The following ERO1B variants were observed in gnomAD, a reference collection of about 807,000 sequenced individuals.
ERO1B encodes the protein ERO1-like protein beta.
A neutral mutation model predicts 75.3 loss-of-function variants in ERO1B; 49 were observed. That is an observed-to-expected ratio of 0.65 (90% confidence interval 0.52 to 0.83). ERO1B has a LOEUF of 0.83. ERO1B is among the 40% of genes least tolerant of loss of function. ERO1B has a pLI of 0.00. For missense variants in ERO1B, 512 were observed against 560.1 expected, an observed-to-expected ratio of 0.91 and a Z score of 0.87; for synonymous variants, 191 against 192.9, an observed-to-expected ratio of 0.99 and a Z score of 0.08.
chr1:236,244,476 T>C (rs1664790518), intron 5 of ERO1B, among the ~76,000 whole-genome samples: 1 of 152,216 alleles, frequency 6.6e-6, no homozygotes, highest in African/African-American at 2.4e-5. Flanking sequence ...CCAACTGAAA[T>C]ACGTGATGCC....
At position 236,235,932 on chromosome 1, in the gene ERO1B, CT is replaced by C. The variant is rs944750672; in HGVS notation, c.627-98del. The C allele has an allele frequency of 9.9e-3, 8,962 of 900,758 alleles. 1 individual carries two copies. The highest frequency in any genetic ancestry group is 0.016 in the South Asian group (881 of 53,898). 55.8% of individuals were successfully genotyped at this position (900,758 alleles called of 1,614,324 possible). A position where few individuals can be genotyped will look rare whatever the true frequency, so the allele number is the denominator to read the frequency against. On this transcript the variant is annotated intron_variant, in intron 7 of 15. Coordinates refer to ENST00000354619, the MANE Select transcript of ERO1B (RefSeq NM_019891.4). ...AAACAAATACTCCCCTCCCCACCCT[CT>C]TTTTTTTTTGAGACAGAGTTTCACT...
chr1:236,229,295 G>A (rs1185187135), intron 10 of ERO1B, among the ~76,000 whole-genome samples: 1 of 151,774 alleles, frequency 6.6e-6, no homozygotes, highest in Non-Finnish European at 1.5e-5. Flanking sequence ...TGTGGTGGCG[G>A]GTGCCTGTAA....
chr1:236,241,758 A>T (rs1484305601), intron 6 of ERO1B, among the ~76,000 whole-genome samples: 3 of 150,544 alleles, frequency 2.0e-5, no homozygotes, highest in African/African-American at 7.3e-5. Flanking sequence ...ACAATTTAAG[A>T]AACTAATATT....
chr1:236,236,031 T>C (rs1664533670), intron 7 of ERO1B, among the ~76,000 whole-genome samples, 196 bp from the exon 8 acceptor site: 2 of 152,142 alleles, frequency 1.3e-5, no homozygotes, highest in South Asian at 4.1e-4. Flanking sequence ...TTCAAGTGAT[T>C]CTCCTGCCTC....
chr1:236,269,998 G>T lies in ERO1B; in HGVS notation c.103-4C>A. The T allele has an allele frequency of 6.4e-7, 1 of 1,568,228 alleles. No homozygotes were observed. Among genetic ancestry groups the T allele is most frequent in the East Asian group, 2.2e-5 (1 of 44,506 alleles). ...AATCATCCAGAACTCCAGTGACCTA[G>T]AATTTATATAATTTAAAATATGTAA... On this transcript the variant is annotated splice_polypyrimidine_tract_variant and splice_region_variant and intron_variant, in intron 1 of 15. Coordinates refer to ENST00000354619, the MANE Select transcript of ERO1B (RefSeq NM_019891.4).
At chr1:236,263,828 T>C (rs1310924217) in intron 2 of ERO1B, among the ~76,000 whole-genome samples, 1 of 145,472 alleles carries the variant, frequency 6.9e-6, no homozygotes, top group Non-Finnish European at 1.5e-5. Context: ...ATCGCTATGT[T>C]GCCTAGGCTT....
At chr1:236,276,446 C>T (rs1013938462) in intron 1 of ERO1B, among the ~76,000 whole-genome samples, 4 of 152,144 alleles carry the variant, frequency 2.6e-5, no homozygotes, top group African/African-American at 9.7e-5. Flanking sequence ...AATGCTAAGA[C>T]AGACTGGTCC....
rs949894130 is a variant in ERO1B at position 236,218,245 on chromosome 1, A to G, written c.*271T>C. ...AGAATAAAAACAAAACCAATTCTAA[A>G]AAAAATAGAATTTTCATTACATGAA... On this transcript the variant is annotated 3_prime_UTR_variant, in exon 16 of 16. Coordinates refer to ENST00000354619, the MANE Select transcript of ERO1B (RefSeq NM_019891.4). 5.4e-6 allele frequency: 1 copy of G among 186,688 alleles called. No individual in the cohort carries two copies. Among genetic ancestry groups the G allele is most frequent in the Non-Finnish European group, 1.1e-5 (1 of 93,408 alleles). 11.6% of individuals were successfully genotyped at this position (186,688 alleles called of 1,614,324 possible).
At chr1:236,221,368 CATTTT>C (rs763175032) in intron 14 of ERO1B, among the ~76,000 whole-genome samples, 15 of 151,700 alleles carry the variant, frequency 9.9e-5, no homozygotes, top group Non-Finnish European at 1.8e-4. Flanking sequence ...TAGAAAAAGA[CATTTT>C]ATTTCAGTAT....
chr1:236,249,454 T>G (rs1664963751), intron 5 of ERO1B, among the ~76,000 whole-genome samples: 1 of 152,228 alleles, frequency 6.6e-6, no homozygotes, highest in African/African-American at 2.4e-5. Context: ...TTATGCTGGT[T>G]TCTGTGTAGA....
intron 1 of ERO1B, among the ~76,000 whole-genome samples, chr1:236,274,570 C>T (rs371952276): frequency 4.6e-5 from 7 of 152,220 alleles, no homozygotes; most frequent in African/African-American, 1.7e-4. Flanking sequence ...TCACTCTATT[C>T]TCCAGGTATC....
chr1:236,245,011 T>C (rs1664806888), intron 5 of ERO1B, among the ~76,000 whole-genome samples: 1 of 151,856 alleles, frequency 6.6e-6, no homozygotes, highest in Admixed American at 6.6e-5. Context: ...CATATATTTT[T>C]TGAGACAGGG....
intron 9 of ERO1B, among the ~76,000 whole-genome samples, chr1:236,230,992 C>A (rs12033488): frequency 0.068 from 10,389 of 151,888 alleles, 744 homozygotes; most frequent in East Asian, 0.39. Context: ...AAACATAGGG[C>A]AAACATTTTA....
chr1:236,268,609 G>A (rs897778629), intron 2 of ERO1B, among the ~76,000 whole-genome samples: 10 of 152,094 alleles, frequency 6.6e-5, no homozygotes, highest in Non-Finnish European at 1.5e-4. Context: ...AAACAAGGCC[G>A]GGCGCGGTGG....
intron 9 of ERO1B, 24 bp from the exon 10 acceptor site, chr1:236,230,274 T>A: frequency 6.4e-7 from 1 of 1,558,188 alleles, no homozygotes; most frequent in Non-Finnish European, 8.8e-7. Flanking sequence ...AAAAGTGGAT[T>A]AAAACATTAT....
At chr1:236,253,168 TTTCC>T (rs935964411) in intron 3 of ERO1B, among the ~76,000 whole-genome samples, 25 of 152,180 alleles carry the variant, frequency 1.6e-4, no homozygotes, top group African/African-American at 6.0e-4. Flanking sequence ...GGCCTCTGAT[TTTCC>T]TTCCATTTTA....
At position 236,246,744 on chromosome 1, in the gene ERO1B, C is replaced by G. The variant is rs970827652; in HGVS notation, c.431+3141G>C. Among the ~76,000 whole-genome samples, 3 of 152,128 alleles carry G rather than the reference C, an allele frequency of 2.0e-5. No individual in the cohort carries two copies. The South Asian group carries it at 6.2e-4, about 31-fold the overall frequency. On this transcript the variant is annotated intron_variant, in intron 5 of 15. Coordinates refer to ENST00000354619, the MANE Select transcript of ERO1B (RefSeq NM_019891.4). ...GGTTAACTTTGGAAGGTGATAATGA[C>G]TAGGAAAGTACACATGGTAATCTGG...
chr1:236,275,456 C>CTA (rs757876299), intron 1 of ERO1B, among the ~76,000 whole-genome samples: 5 of 152,206 alleles, frequency 3.3e-5, no homozygotes, highest in Non-Finnish European at 5.9e-5. Context: ...GGGCAAGCTA[C>CTA]TAAGGCAGAG....
In ERO1B at chr1:236,218,427, T is replaced by G; in HGVS notation, c.*89A>C. The G allele has an allele frequency of 8.0e-7, 1 of 1,245,770 alleles. No individual in the cohort carries two copies. The highest frequency in any genetic ancestry group is 1.6e-5 in the African/African-American group (1 of 63,672). 77.2% of individuals were successfully genotyped at this position (1,245,770 alleles called of 1,614,324 possible). A position where few individuals can be genotyped will look rare whatever the true frequency, so the allele number is the denominator to read the frequency against. On this transcript the variant is annotated 3_prime_UTR_variant, in exon 16 of 16. Coordinates refer to ENST00000354619, the MANE Select transcript of ERO1B (RefSeq NM_019891.4). ...ATTTAATAGTTCAGAATTCTTGAAG[T>G]CAGATTAGTGTCTTTCTGATGAATG...
Sources: allele counts gnomAD v4.1 joint callset (sites outside exome capture counted in the v4.1 genomes callset), GRCh38; gene constraint gnomAD v4.1.1; transcripts MANE v1.5; gene names NCBI Gene and HGNC (gene_info 2026-07-23, HGNC 2026-07-21).